Variants in PCDH7 observed in about 807,000 individuals in gnomAD.
PCDH7 encodes protocadherin-7.
In PCDH7, 17 loss-of-function variants were observed where a neutral mutation model predicts 58.9. That is an observed-to-expected ratio of 0.29 (90% CI 0.20 to 0.43). PCDH7 has a LOEUF of 0.43. Ranked by LOEUF, PCDH7 falls within the 20% of genes least tolerant of loss-of-function variation. PCDH7 has a pLI of 1.00. For synonymous variants in PCDH7, 664 were observed against 616.4 expected, an observed-to-expected ratio of 1.08 and a Z score of -1.14; for missense variants, 1,274 against 1,441.0, an observed-to-expected ratio of 0.88 and a Z score of 1.88.
At chr4:31,001,568 C>A (rs1752369806) in intron 3 of PCDH7, among the ~76,000 whole-genome samples, 1 of 152,142 alleles carries the variant, frequency 6.6e-6, no homozygotes, top group East Asian at 1.9e-4. Flanking sequence ...TACATACATT[C>A]AAATACATAA....
At chr4:30,803,692 G>GTGTC (rs1328911867) in intron 1 of PCDH7, among the ~76,000 whole-genome samples, 1 of 152,158 alleles carries the variant, frequency 6.6e-6, no homozygotes, top group African/African-American at 2.4e-5. Context: ...TCCTGCCTTG[G>GTGTC]TGTCCCAAAG....
At chr4:30,958,552 T>G (rs1403563212) in intron 3 of PCDH7, among the ~76,000 whole-genome samples, 2 of 151,970 alleles carry the variant, frequency 1.3e-5, no homozygotes, top group Non-Finnish European at 2.9e-5. Context: ...CACTTTTAGT[T>G]TTTAGAATAA....
intron 3 of PCDH7, among the ~76,000 whole-genome samples, chr4:31,103,298 A>G (rs992577836): frequency 6.6e-5 from 10 of 151,964 alleles, no homozygotes; most frequent in African/African-American, 2.2e-4. Context: ...TTTACAAGGC[A>G]TATAATTTTT....
In PCDH7 at chr4:31,054,120, C is replaced by T. The variant is rs572776093; in HGVS notation, c.*8-88353C>T. The stretch of plus-strand genomic sequence containing the variant: ...AGCTGGGACTACAGGCACATACCAC[C>T]ATGCCCAGCCAATTTTTGTGTTTTT... On this transcript the variant is annotated intron_variant, in intron 3 of 3. Transcript: ENST00000509759. Among the ~76,000 whole-genome samples, 4 of 152,222 alleles carry T rather than the reference C, an allele frequency of 2.6e-5. No individual in the cohort carries two copies. The South Asian group carries it at 8.3e-4, about 32-fold the overall frequency.
intron 3 of PCDH7, among the ~76,000 whole-genome samples, chr4:31,091,153 A>C (rs1196669841): frequency 6.6e-6 from 1 of 151,942 alleles, no homozygotes; most frequent in African/African-American, 2.4e-5. Context: ...TAAGTTTCAG[A>C]GCTTGCTGAG....
At chr4:30,784,000 A>G (rs1009048677) in intron 1 of PCDH7, among the ~76,000 whole-genome samples, 2 of 152,048 alleles carry the variant, frequency 1.3e-5, no homozygotes, top group Admixed American at 6.6e-5. Context: ...GAACAAATCC[A>G]GGAGAAAGGT....
At chr4:30,724,843 T>C in intron 1 of PCDH7, 2 of 1,309,618 alleles carry the variant, frequency 1.5e-6, no homozygotes, top group African/African-American at 3.0e-5. Flanking sequence ...TAGGCAGTGT[T>C]TGGCAGTTCT....
At chr4:31,024,296 C>G (rs549429947) in intron 3 of PCDH7, among the ~76,000 whole-genome samples, 1 of 152,226 alleles carries the variant, frequency 6.6e-6, no homozygotes, top group African/African-American at 2.4e-5. Flanking sequence ...TTCCTTTTCT[C>G]AGTTCAGTTT....
At chr4:30,921,233 C>T (rs565246856) in intron 2 of PCDH7, among the ~76,000 whole-genome samples, 5 of 152,056 alleles carry the variant, frequency 3.3e-5, no homozygotes, top group African/African-American at 1.2e-4. Context: ...ATTATTCTTT[C>T]AAATATGAAG....
chr4:31,067,088 T>C (rs1758150559), intron 3 of PCDH7, among the ~76,000 whole-genome samples: 1 of 151,924 alleles, frequency 6.6e-6, no homozygotes, highest in Non-Finnish European at 1.5e-5. Flanking sequence ...TTGTTTCATC[T>C]AGAAAATAAA....
At position 31,071,937 on chromosome 4, in the gene PCDH7, C is replaced by T. The variant is rs1285042739; in HGVS notation, c.*8-70536C>T. Among the ~76,000 whole-genome samples, 6 of 152,016 alleles carry T rather than the reference C, an allele frequency of 3.9e-5. 1 individual carries two copies. In the East Asian group the frequency reaches 7.7e-4, roughly 20 times the overall value. ...AGTTGCTATTACTTTTATATTAGCTCGTATAAATAACTACTCTTATACTAA... is the reference window on the plus strand; with the variant it reads ...AGTTGCTATTACTTTTATATTAGCTTGTATAAATAACTACTCTTATACTAA... On this transcript the variant is annotated intron_variant, in intron 3 of 3. Transcript: ENST00000509759.
chr4:30,887,162 A>G (rs972387268), intron 1 of PCDH7, among the ~76,000 whole-genome samples: 7 of 152,158 alleles, frequency 4.6e-5, no homozygotes, highest in African/African-American at 1.2e-4. Context: ...TATAGGGACA[A>G]TCTTGTTCTT....
chr4:30,775,976 A>G (rs1355542126), intron 1 of PCDH7, among the ~76,000 whole-genome samples: 1 of 152,116 alleles, frequency 6.6e-6, no homozygotes, highest in Non-Finnish European at 1.5e-5. Flanking sequence ...GCGATTTTTC[A>G]TTTCCCTCTA....
At chr4:30,863,758 A>T (rs145448770) in intron 1 of PCDH7, among the ~76,000 whole-genome samples, 11 of 152,258 alleles carry the variant, frequency 7.2e-5, no homozygotes, top group African/African-American at 2.6e-4. Flanking sequence ...CAAAAATTTC[A>T]TCCACACAAA....
At chr4:31,020,422 T>C (rs1753934300) in intron 3 of PCDH7, among the ~76,000 whole-genome samples, 1 of 152,242 alleles carries the variant, frequency 6.6e-6, no homozygotes, top group Non-Finnish European at 1.5e-5. Flanking sequence ...TATGTGTGTG[T>C]TTGTGTCTGA....
At chr4:31,015,390 A>G (rs1753528031) in intron 3 of PCDH7, among the ~76,000 whole-genome samples, 1 of 152,202 alleles carries the variant, frequency 6.6e-6, no homozygotes, top group Non-Finnish European at 1.5e-5. Flanking sequence ...AGTGTGTTTT[A>G]TAGGTTTTAT....
chr4:30,842,093 G>A (rs1327039576), intron 1 of PCDH7, among the ~76,000 whole-genome samples: 7 of 152,090 alleles, frequency 4.6e-5, no homozygotes, highest in Non-Finnish European at 1.5e-5. Flanking sequence ...AAACATATTT[G>A]ACATTAATAA....
At chr4:31,134,355 G>A (rs903101854) in intron 3 of PCDH7, among the ~76,000 whole-genome samples, 1 of 152,086 alleles carries the variant, frequency 6.6e-6, no homozygotes, top group Non-Finnish European at 1.5e-5. Flanking sequence ...AGCTACTCAG[G>A]AGGCTGAGGC....
chr4:31,109,268 A>T (rs1279931967), intron 3 of PCDH7, among the ~76,000 whole-genome samples: 1 of 152,220 alleles, frequency 6.6e-6, no homozygotes, highest in Non-Finnish European at 1.5e-5. Context: ...ATGGGAAAGG[A>T]TGGAGAATTA....
Sources: allele counts gnomAD v4.1 joint callset (sites outside exome capture counted in the v4.1 genomes callset), GRCh38; gene constraint gnomAD v4.1.1; transcripts MANE v1.5; gene names NCBI Gene and HGNC (gene_info 2026-07-23, HGNC 2026-07-21).